The following PIWIL1 variants were observed in gnomAD, a reference collection of about 807,000 sequenced individuals.
PIWIL1 encodes the protein piwi like RNA-mediated gene silencing 1, also known as piwi-like protein 1.
Under a neutral mutation model 114.4 loss-of-function variants are expected in PIWIL1, and 73 were observed. That is an observed-to-expected ratio of 0.64 (90% CI 0.53 to 0.78). The LOEUF (loss-of-function observed/expected upper bound fraction) is 0.78. Ranked by LOEUF, PIWIL1 falls within the 30% of genes least tolerant of loss-of-function variation. The pLI is 0.00. For synonymous variants in PIWIL1, 375 were observed against 369.0 expected, an observed-to-expected ratio of 1.02 and a Z score of -0.19; for missense variants, 723 against 1,063.1, an observed-to-expected ratio of 0.68 and a Z score of 4.45.
chr12:130,385,497 T>C, the PIWIL1 span, among the ~76,000 whole-genome samples: 1 of 152,204 alleles, frequency 6.6e-6, no homozygotes, highest in Admixed American at 6.5e-5. Context: ...CACTCAAATA[T>C]ATTTTTAACT....
At chr12:130,372,640 G>A (rs1182864415), downstream of PIWIL1, 2 of 109,450 alleles carry the variant, frequency 1.8e-5, no homozygotes, top group South Asian at 3.4e-4. Context: ...AAAAAAAAAA[G>A]CTCAATTAGT....
At chr12:130,400,630 G>T in the PIWIL1 span, among the ~76,000 whole-genome samples, 2 of 152,268 alleles carry the variant, frequency 1.3e-5, 1 homozygote, top group Admixed American at 1.3e-4. Context: ...TCTAGGAAAT[G>T]ACATAAAGAG....
intron 9 of PIWIL1, 59 bp downstream of exon 9, chr12:130,350,026 T>A: frequency 1.1e-6 from 1 of 933,690 alleles, no homozygotes; most frequent in Non-Finnish European, 1.7e-6. Flanking sequence ...TAGAATTCTC[T>A]AACACTTGTT....
At chr12:130,357,427 C>A in intron 13 of PIWIL1, 54 bp from the exon 14 acceptor site, 2 of 1,302,526 alleles carry the variant, frequency 1.5e-6, no homozygotes, top group Non-Finnish European at 2.2e-6. Context: ...TGTTTATGCA[C>A]GGTCCATTTG....
At chr12:130,417,867 GA>G in the PIWIL1 span, among the ~76,000 whole-genome samples, 4,397 of 151,890 alleles carry the variant, frequency 0.029, 90 homozygotes, top group Middle Eastern at 0.051. Flanking sequence ...GAGAGAATGG[GA>G]GGGGAGAGGG....
chr12:130,406,326 C>G, the PIWIL1 span: 2 of 887,766 alleles, frequency 2.3e-6, no homozygotes, highest in Non-Finnish European at 3.5e-6. Flanking sequence ...TATGCTTTCC[C>G]TTACTATTTG....
chr12:130,379,151 T>C, the PIWIL1 span, among the ~76,000 whole-genome samples: 1 of 152,260 alleles, frequency 6.6e-6, no homozygotes, highest in Admixed American at 6.5e-5. Context: ...AGCTGTTTAA[T>C]TCGCTGTAGG....
the PIWIL1 span, chr12:130,397,629 G>A: frequency 1.3e-5 from 5 of 397,310 alleles, no homozygotes; most frequent in South Asian, 1.4e-4. Flanking sequence ...TACTGTCCCC[G>A]TTTCCCACCA....
At chr12:130,414,504 C>T in the PIWIL1 span, 1 of 510,824 alleles carries the variant, frequency 2.0e-6, no homozygotes, top group Admixed American at 3.6e-5. Flanking sequence ...CACAGCCACA[C>T]TCTGTACCTG....
Position 130,371,228 on chromosome 12 carries a change from A to G in PIWIL1, c.2374A>G (p.Thr792Ala), listed in dbSNP as rs756558354. 1.2e-6 allele frequency: 2 copies of G among 1,614,220 alleles called. No individual in the cohort carries two copies. The highest frequency in any genetic ancestry group is 1.7e-6 in the Non-Finnish European group (2 of 1,180,030). ...TGTGAGAAGTGGTAGTGTTTCTCCC[A>G]CACATTACAATGTCATCTATGACAA... The part of the protein sequence containing the change: ...QAVRSGSVSP[T>A]HYNVIYDNSG... Residue 792 changes from threonine (T) to alanine (A), a missense_variant, in exon 20 of 21, where the codon ACA becomes GCA. By Grantham distance (58) the Thr-to-Ala change is moderately conservative. Coordinates refer to ENST00000245255, the MANE Select transcript of PIWIL1 (RefSeq NM_004764.5).
At chr12:130,348,705 A>G (rs1274568346) in intron 7 of PIWIL1, among the ~76,000 whole-genome samples, 3 of 152,194 alleles carry the variant, frequency 2.0e-5, no homozygotes, top group African/African-American at 7.2e-5. Context: ...GTTCTAGACC[A>G]GCCTGGCCAA....
the PIWIL1 span, among the ~76,000 whole-genome samples, chr12:130,393,834 C>T: frequency 6.6e-6 from 1 of 152,322 alleles, no homozygotes. Context: ...GTAAGACACA[C>T]GATAGAGACT....
chr12:130,396,883 TAGAC>T, the PIWIL1 span: 2 of 152,680 alleles, frequency 1.3e-5, no homozygotes, highest in Non-Finnish European at 2.9e-5. Context: ...CTGTTTTTAT[TAGAC>T]AGTACAAATC....
At chr12:130,410,915 T>C in the PIWIL1 span, among the ~76,000 whole-genome samples, 1 of 152,222 alleles carries the variant, frequency 6.6e-6, no homozygotes, top group Non-Finnish European at 1.5e-5. Context: ...AGATTTCGAA[T>C]GGTCTTGCAC....
At chr12:130,375,717 T>C (rs1179859274), downstream of PIWIL1, among the ~76,000 whole-genome samples, 1 of 152,188 alleles carries the variant, frequency 6.6e-6, no homozygotes, top group African/African-American at 2.4e-5. Flanking sequence ...TAAAAGCCTT[T>C]TGGGCCCCAT....
intron 5 of PIWIL1, 96 bp from the exon 6 acceptor site, chr12:130,346,845 G>C: frequency 6.8e-7 from 1 of 1,461,540 alleles, no homozygotes; most frequent in Non-Finnish European, 9.2e-7. Flanking sequence ...ACATTTTATG[G>C]TTTTCAATGT....
At chr12:130,410,005 T>C in the PIWIL1 span, among the ~76,000 whole-genome samples, 2 of 152,224 alleles carry the variant, frequency 1.3e-5, no homozygotes, top group Non-Finnish European at 2.9e-5. Flanking sequence ...CATTTTCCAC[T>C]TTCACCAGCA....
At chr12:130,424,753 C>T in the PIWIL1 span, 1 of 1,232,394 alleles carries the variant, frequency 8.1e-7, no homozygotes, top group Non-Finnish European at 1.0e-6. This position sits in a 1 kb window ranked among gnomAD's most constrained non-coding sequence, Gnocchi z 9.8. Context: ...TCTCCGTCCT[C>T]TTCCGCTACT....
chr12:130,345,208 T>C (rs75896330), intron 3 of PIWIL1: 1,816 of 152,744 alleles, frequency 0.012, 19 homozygotes, highest in Middle Eastern at 0.034. Context: ...ATGCGTGTCA[T>C]GGTCATAGAA....
Sources: gnomAD v4.1 joint callset for allele counts (sites outside exome capture counted in the v4.1 genomes callset) on GRCh38, gnomAD v4.1.1 for gene constraint, Gnocchi (gnomAD v3.1) non-coding constraint, MANE v1.5 for transcripts, NCBI Gene and HGNC (gene_info 2026-07-23, HGNC 2026-07-21) for gene names.